Variants in SPATA6L observed in about 807,000 individuals in gnomAD.
The protein encoded by SPATA6L is spermatogenesis associated 6-like protein.
In SPATA6L, 68 loss-of-function variants were observed where a neutral mutation model predicts 49.2. The ratio of observed to expected loss-of-function variants is 1.38; its 90% CI spans 1.14 to 1.69. The LOEUF is 1.69. Among genes scored for constraint, SPATA6L ranks in the 40% most tolerant of loss-of-function variants. The pLI is 0.00. For synonymous variants in SPATA6L, 198 were observed against 165.7 expected, an observed-to-expected ratio of 1.19 and a Z score of -1.50; for missense variants, 668 against 464.3, an observed-to-expected ratio of 1.44 and a Z score of -4.03.
chr9:4,662,025 T>G lies in SPATA6L; in HGVS notation c.51A>C (p.Pro17=). ...VELQIRAISC[P]GVFLPGKQDV... ...CTTGTTTGCCAGGCAGGAACACTCC[T>G]GGGCAAGAAATCTTAAAAAGAAAGA... The change falls in exon 2 of 12, where the codon CCA becomes CCC. Residue 17 remains proline, a synonymous_variant. Transcript: ENST00000682582. The surrounding 1 kb of genome is among the most constrained non-coding windows in gnomAD (Gnocchi z 4.9). The G allele has an allele frequency of 6.2e-7, 1 of 1,613,594 alleles. No homozygotes were observed. The highest frequency in any genetic ancestry group is 1.7e-5 in the Admixed American group (1 of 59,824).
At chr9:4,640,632 C>T (rs1042409877) in intron 3 of SPATA6L, among the ~76,000 whole-genome samples, 4 of 152,108 alleles carry the variant, frequency 2.6e-5, no homozygotes, top group African/African-American at 7.2e-5. Context: ...GCCACTACTA[C>T]GTGCCCGGAG....
chr9:4,660,448 T>C (rs1394056391), intron 2 of SPATA6L, among the ~76,000 whole-genome samples: 3 of 152,292 alleles, frequency 2.0e-5, no homozygotes, highest in Non-Finnish European at 2.9e-5. Flanking sequence ...TCATCACTGG[T>C]CATCAGAGAA....
chr9:4,639,853 G>A (rs12340519), intron 3 of SPATA6L, among the ~76,000 whole-genome samples: 18,412 of 152,200 alleles, frequency 0.12, 1,560 homozygotes, highest in African/African-American at 0.23. Context: ...GCTTCCAGAT[G>A]CAGGATCACA....
At chr9:4,622,561 C>T (rs780916533) in intron 6 of SPATA6L, 51 bp from the exon 7 acceptor site, 2 of 1,245,848 alleles carry the variant, frequency 1.6e-6, no homozygotes, top group Non-Finnish European at 1.2e-6. Flanking sequence ...GCTTCTAGTA[C>T]CCTCCCCTCG....
chr9:4,632,999 C>T (rs796837268), intron 4 of SPATA6L: 2 of 152,168 alleles, frequency 1.3e-5, no homozygotes, highest in Non-Finnish European at 2.9e-5. Context: ...GGTTAGACAT[C>T]AAAACAAAAA....
intron 10 of SPATA6L, among the ~76,000 whole-genome samples, chr9:4,605,062 A>C (rs1046313390): frequency 6.6e-6 from 1 of 152,054 alleles, no homozygotes; most frequent in Non-Finnish European, 1.5e-5. Context: ...AGTCCTTTGA[A>C]AGGACCTCTG....
chr9:4,620,429 G>T (rs1004444729), intron 7 of SPATA6L, among the ~76,000 whole-genome samples: 4 of 152,122 alleles, frequency 2.6e-5, no homozygotes, highest in Non-Finnish European at 2.9e-5. Context: ...CATATCACCT[G>T]GAAGCTTGTT....
intron 3 of SPATA6L, among the ~76,000 whole-genome samples, chr9:4,639,329 G>C (rs1833536167): frequency 6.6e-6 from 1 of 152,002 alleles, no homozygotes; most frequent in Non-Finnish European, 1.5e-5. Context: ...GCTACTTCTT[G>C]TCCCTGCATC....
chr9:4,612,686 T>C (rs1003105950), intron 9 of SPATA6L, among the ~76,000 whole-genome samples: 19 of 152,360 alleles, frequency 1.2e-4, no homozygotes, highest in Admixed American at 7.2e-4. Context: ...GAGCTGAGAC[T>C]CTTTGTTTAA....
At chr9:4,637,791 G>A (rs1415633637) in intron 3 of SPATA6L, among the ~76,000 whole-genome samples, 3 of 152,122 alleles carry the variant, frequency 2.0e-5, no homozygotes, top group African/African-American at 7.2e-5. Flanking sequence ...TGAACATGAG[G>A]ACTAAAGTAA....
Position 4,662,112 on chromosome 9 carries a change from C to A in SPATA6L, c.40-76G>T. On this transcript the variant is annotated intron_variant, in intron 1 of 11. Transcript: ENST00000682582. This position sits in a 1 kb window ranked among gnomAD's most constrained non-coding sequence, Gnocchi z 4.9. The stretch of plus-strand genomic sequence containing the variant: ...TGTTTTGTTACACGGGGCTCTATTT[C>A]TCTTAAGCTCCTACAGACACTGACA... The A allele has an allele frequency of 6.4e-7, 1 of 1,557,332 alleles. No individual in the cohort carries two copies. The highest frequency in any genetic ancestry group is 8.7e-7 in the Non-Finnish European group (1 of 1,151,678).
chr9:4,661,587 G>A (rs1839764706), intron 2 of SPATA6L, among the ~76,000 whole-genome samples: 1 of 151,828 alleles, frequency 6.6e-6, no homozygotes, highest in Non-Finnish European at 1.5e-5. Context: ...TTTCGTAAAT[G>A]TAATGCAATT....
At chr9:4,613,272 A>T (rs1223790126) in intron 9 of SPATA6L, among the ~76,000 whole-genome samples, 1 of 152,008 alleles carries the variant, frequency 6.6e-6, no homozygotes, top group Non-Finnish European at 1.5e-5. Flanking sequence ...GATTCTCTTT[A>T]ATTAATGTAT....
At chr9:4,614,522 G>C (rs775914393) in intron 9 of SPATA6L, among the ~76,000 whole-genome samples, 1 of 152,190 alleles carries the variant, frequency 6.6e-6, no homozygotes, top group Non-Finnish European at 1.5e-5. Flanking sequence ...ATCTGCCCTA[G>C]TGATCGCTCT....
At chr9:4,616,958 G>A (rs1263085813) in intron 9 of SPATA6L, among the ~76,000 whole-genome samples, 3 of 152,120 alleles carry the variant, frequency 2.0e-5, no homozygotes, top group Non-Finnish European at 4.4e-5. Flanking sequence ...CTCGTCATAC[G>A]TTAATGGATT....
chr9:4,594,653 C>T (rs1247682145), downstream of SPATA6L, among the ~76,000 whole-genome samples: 1 of 152,162 alleles, frequency 6.6e-6, no homozygotes, highest in Non-Finnish European at 1.5e-5. Context: ...TCCGTCTGCT[C>T]TGGGATTCAG....
chr9:4,608,865 T>C (rs1437939971), intron 9 of SPATA6L, among the ~76,000 whole-genome samples: 1 of 152,098 alleles, frequency 6.6e-6, no homozygotes, highest in Non-Finnish European at 1.5e-5. Flanking sequence ...GATCTGGTTT[T>C]TTGAAAGGAT....
intron 9 of SPATA6L, among the ~76,000 whole-genome samples, chr9:4,606,794 G>A (rs1016889764): frequency 1.3e-5 from 2 of 148,400 alleles, no homozygotes; most frequent in Non-Finnish European, 3.0e-5. Context: ...GCTGGACGGA[G>A]AACGACTTCG....
intron 10 of SPATA6L, among the ~76,000 whole-genome samples, chr9:4,604,554 A>C (rs1027761475): frequency 1.3e-5 from 2 of 152,182 alleles, no homozygotes; most frequent in Non-Finnish European, 2.9e-5. Flanking sequence ...GCCTTTGTTT[A>C]CATTTTAAAG....
Sources: gnomAD v4.1 joint callset for allele counts (sites outside exome capture counted in the v4.1 genomes callset) on GRCh38, gnomAD v4.1.1 for gene constraint, Gnocchi (gnomAD v3.1) non-coding constraint, MANE v1.5 for transcripts, NCBI Gene and HGNC (gene_info 2026-07-23, HGNC 2026-07-21) for gene names.